The following DHRS7 variants were observed in gnomAD, a reference collection of about 807,000 sequenced individuals.
DHRS7 encodes dehydrogenase/reductase 7.
DHRS7 carries 34 observed loss-of-function variants against 38.9 expected under a neutral mutation model. The ratio of observed to expected loss-of-function variants is 0.87; its 90% CI spans 0.66 to 1.16. The LOEUF (loss-of-function observed/expected upper bound fraction) is 1.16. DHRS7 is among the 50% of genes most tolerant of loss of function. The pLI is 0.00. For synonymous variants in DHRS7, 158 were observed against 153.1 expected, an observed-to-expected ratio of 1.03 and a Z score of -0.24; for missense variants, 421 against 407.0, an observed-to-expected ratio of 1.03 and a Z score of -0.30.
chr14:60,159,113 G>A (rs1896713070), intron 1 of DHRS7: 1 of 434,544 alleles, frequency 2.3e-6, no homozygotes, highest in Non-Finnish European at 4.6e-6. Flanking sequence ...AGTTGATGCT[G>A]AAAATCATTT....
chr14:60,159,030 A>G, intron 1 of DHRS7: 1 of 450,070 alleles, frequency 2.2e-6, no homozygotes, highest in Non-Finnish European at 4.4e-6. Flanking sequence ...CAGCACCTCA[A>G]ACATTCATCA....
At position 60,148,268 on chromosome 14, in the gene DHRS7, T is replaced by C. The variant is rs1344436867; in HGVS notation, c.972+1085A>G. On this transcript the variant is annotated intron_variant, in intron 6 of 6. Transcript: ENST00000557185. The surrounding 1 kb of genome is among the most constrained non-coding windows in gnomAD (Gnocchi z 4.8). ...TGCAGGTATATATAGTATGATCTTG[T>C]TTTATAATTCTTTTTTTATCTGTCA... The C allele has an allele frequency of 6.6e-6, 1 of 152,230 alleles. No individual in the cohort carries two copies. Among genetic ancestry groups the C allele is most frequent in the Non-Finnish European group, 1.5e-5 (1 of 68,038 alleles). 9.4% of individuals were successfully genotyped at this position (152,230 alleles called of 1,614,324 possible). A position where few individuals can be genotyped will look rare whatever the true frequency, so the allele number is the denominator to read the frequency against.
chr14:60,160,532 A>G (rs1020364465), intron 1 of DHRS7, among the ~76,000 whole-genome samples: 4 of 150,612 alleles, frequency 2.7e-5, no homozygotes, highest in South Asian at 4.2e-4. Context: ...CACAGAGTAG[A>G]TCTTTTGGGA....
At chr14:60,152,449 T>A (rs1335401093) in intron 4 of DHRS7, among the ~76,000 whole-genome samples, 2 of 152,266 alleles carry the variant, frequency 1.3e-5, no homozygotes, top group Admixed American at 6.5e-5. Context: ...GAAGTACCTA[T>A]TTCTGACATG....
At position 60,153,255 on chromosome 14, in the gene DHRS7, G is replaced by C. The variant is rs1320185582; in HGVS notation, c.394-77C>G. The C allele has an allele frequency of 1.3e-6, 2 of 1,517,536 alleles. No homozygotes were observed. Among genetic ancestry groups the C allele is most frequent in the African/African-American group, 2.8e-5 (2 of 72,252 alleles). 94.0% of individuals were successfully genotyped at this position (1,517,536 alleles called of 1,614,324 possible). A position where few individuals can be genotyped will look rare whatever the true frequency, so the allele number is the denominator to read the frequency against. On this transcript the variant is annotated intron_variant, in intron 3 of 6. Transcript: ENST00000557185. The surrounding 1 kb of genome is among the most constrained non-coding windows in gnomAD (Gnocchi z 4.4). ...ATTGATGGAATTCCTATGGATGGTT[G>C]GTTATTTTGTTAACTTAAAGAATCA...
chr14:60,156,091 C>T lies in DHRS7; in HGVS notation c.195G>A (p.Glu65=), dbSNP rs368797112. The part of the protein sequence containing the change: ...VTGASSGIGE[E]LAYQLSKLGV... ...CTAGTTTAGACAACTGGTAAGCCAG[C>T]TCCTCACCAATTCCACTCGAGGCTC... Residue 65 remains glutamate (E), a synonymous_variant, in exon 2 of 7, where the codon GAG becomes GAA. Transcript: ENST00000557185. The T allele has an allele frequency of 6.2e-6, 10 of 1,603,454 alleles. No homozygotes were observed. The highest frequency in any genetic ancestry group is 1.3e-5 in the African/African-American group (1 of 74,188).
Position 60,149,440 on chromosome 14 carries a change from T to C in DHRS7, c.885A>G (p.Thr295=), listed in dbSNP as rs1896486448. The C allele has an allele frequency of 5.0e-6, 8 of 1,614,084 alleles. No individual in the cohort carries two copies. Among genetic ancestry groups the C allele is most frequent in the South Asian group, 1.1e-5 (1 of 91,096 alleles). ...WISEQPFLLV[T]YLWQYMPTWA... ...AGGTTGGCATGTATTGCCACAAATA[T>C]GTTACTAACAAGAAAGGTTGTTCTG... is the stretch of plus-strand genomic sequence containing the variant. The change falls in exon 6 of 7, where the codon ACA becomes ACG. Residue 295 remains threonine, a synonymous_variant. Transcript: ENST00000557185.
Position 60,145,836 on chromosome 14 carries a change from AATG to A in DHRS7, c.973-826_973-824del, listed in dbSNP as rs1286923799. 1 of 152,080 alleles carries A rather than the reference AATG, an allele frequency of 6.6e-6. No individual in the cohort carries two copies. The highest frequency in any genetic ancestry group is 2.4e-5 in the African/African-American group (1 of 41,442). The allele number at this position is 152,080 out of a possible 1,614,324, so 9.4% of individuals were successfully genotyped here. On this transcript the variant is annotated intron_variant, in intron 6 of 6. Coordinates refer to ENST00000557185, the MANE Select transcript of DHRS7 (RefSeq NM_016029.4). The surrounding 1 kb of genome is among the most constrained non-coding windows in gnomAD (Gnocchi z 4.0). ...GCACTAAGAAAGACAAAATAATAAT[AATG>A]ATAATACAAAATTCAGTGTAGCCAC...
Position 60,153,942 on chromosome 14 carries a change from T to C in DHRS7, c.393+17A>G, listed in dbSNP as rs1896603138. 6.2e-7 allele frequency: 1 copy of C among 1,601,164 alleles called. No individual in the cohort carries two copies. Among genetic ancestry groups the C allele is most frequent in the Admixed American group, 1.7e-5 (1 of 59,980 alleles). On this transcript the variant is annotated intron_variant, in intron 3 of 6. Coordinates refer to ENST00000557185, the MANE Select transcript of DHRS7 (RefSeq NM_016029.4). The surrounding 1 kb of genome is among the most constrained non-coding windows in gnomAD (Gnocchi z 4.4). ...TTACTTCAAAGCAAGACTATATCAATATAAGATGCTACTTACTCTACCAAA... is the reference window on the plus strand; with the variant it reads ...TTACTTCAAAGCAAGACTATATCAACATAAGATGCTACTTACTCTACCAAA...
chr14:60,154,033 C>G lies in DHRS7; in HGVS notation c.319G>C (p.Val107Leu). The G allele has an allele frequency of 6.2e-7, 1 of 1,613,940 alleles. No individual in the cohort carries two copies. Among genetic ancestry groups the G allele is most frequent in the African/African-American group, 1.3e-5 (1 of 75,040 alleles). Residue 107 changes from valine to leucine, a missense_variant, in exon 3 of 7, where the codon GTT becomes CTT. Physicochemically the swap from Val to Leu is conservative, Grantham distance 32. Coordinates refer to ENST00000557185, the MANE Select transcript of DHRS7 (RefSeq NM_016029.4). ...GTGTCGGTCAGGTCAAGGGGCAAAA[C>G]AAGTATATCTTTTTCTTTTAAATTG... ...NGNLKEKDIL[V>L]LPLDLTDTGS...
intron 6 of DHRS7, chr14:60,147,598 A>G (rs1403645357): frequency 3.3e-5 from 5 of 152,214 alleles, no homozygotes; most frequent in Non-Finnish European, 7.3e-5. Context: ...AAAGCACAAT[A>G]GCTAACACTT....
chr14:60,168,955 G>A (rs558528481), upstream of DHRS7: 1 of 514,724 alleles, frequency 1.9e-6, no homozygotes, highest in Non-Finnish European at 3.3e-6. Context: ...AATTTTGGAA[G>A]ATGTGACAGA....
Position 60,156,131 on chromosome 14 carries a change from A to G in DHRS7, c.155T>C (p.Val52Ala), listed in dbSNP as rs1443598931. ...RRPEWELTDM[V>A]VWVTGASSGI... Reference sequence around the variant, plus strand: ...ACTCGAGGCTCCAGTCACCCACACCACCATATCAGTCAGCTCCCATTCTAT... The same window carrying G: ...ACTCGAGGCTCCAGTCACCCACACCGCCATATCAGTCAGCTCCCATTCTAT... The change falls in exon 2 of 7, where the codon GTG becomes GCG. Residue 52 changes from valine (V) to alanine (A), a missense_variant. Physicochemically the swap from Val to Ala is moderately conservative, Grantham distance 64. Coordinates refer to ENST00000557185, the MANE Select transcript of DHRS7 (RefSeq NM_016029.4). 3.1e-6 allele frequency: 5 copies of G among 1,595,748 alleles called. No individual in the cohort carries two copies. The African/African-American group carries it at 6.8e-5, about 22-fold the overall frequency.
At chr14:60,166,622 A>G (rs1358412857), upstream of DHRS7, among the ~76,000 whole-genome samples, 1 of 144,900 alleles carries the variant, frequency 6.9e-6, no homozygotes, top group Non-Finnish European at 1.5e-5. Flanking sequence ...TTTAAATCCT[A>G]TTATAAACCC....
chr14:60,150,301 T>C, intron 4 of DHRS7, 114 bp from the exon 5 acceptor site: 1 of 1,002,018 alleles, frequency 1.0e-6, no homozygotes, highest in Non-Finnish European at 1.4e-6. Context: ...AGTGTAATCA[T>C]GCAAGCTTAT....
Position 60,156,148 on chromosome 14 carries a change from C to G in DHRS7, c.138G>C (p.Trp46Cys). ...CCCACACCACCATATCAGTCAGCTC[C>G]CATTCTATGGAAGGAATGTAAATGG... ...WAEWQGRRPE[W>C]ELTDMVVWVT... The change falls in exon 2 of 7, where the codon TGG (tryptophan) becomes TGC (cysteine). Residue 46 changes from tryptophan (W) to cysteine (C), a missense_variant. Transcript: ENST00000557185. The G allele has an allele frequency of 6.4e-7, 1 of 1,570,838 alleles. No individual in the cohort carries two copies. Among genetic ancestry groups the G allele is most frequent in the South Asian group, 1.2e-5 (1 of 84,510 alleles).
intron 6 of DHRS7, chr14:60,149,063 C>T (rs1896473466): frequency 2.6e-6 from 1 of 378,334 alleles, no homozygotes; most frequent in Non-Finnish European, 4.9e-6. Flanking sequence ...ACCTCCGCCT[C>T]CTCGGTTCAA....
chr14:60,160,801 G>A (rs987154003), intron 1 of DHRS7, among the ~76,000 whole-genome samples: 1 of 151,900 alleles, frequency 6.6e-6, no homozygotes, highest in Non-Finnish European at 1.5e-5. Flanking sequence ...ATGTTGCCTA[G>A]GCTGGTCTCG....
rs1241019649 is a variant in DHRS7, at chr14:60,146,536, T to TA, written c.973-1524dup. 6.6e-6 allele frequency: 1 copy of TA among 152,164 alleles called. No homozygotes were observed. The highest frequency in any genetic ancestry group is 1.5e-5 in the Non-Finnish European group (1 of 68,020). 9.4% of individuals were successfully genotyped at this position (152,164 alleles called of 1,614,324 possible). A position where few individuals can be genotyped will look rare whatever the true frequency, so the allele number is the denominator to read the frequency against. The stretch of plus-strand genomic sequence containing the variant: ...GATCCAGCAATTCCACTTAAGGGTA[T>TA]AAATCTAAAGGAAGTGAAATCAGTA... On this transcript the variant is annotated intron_variant, in intron 6 of 6. Transcript: ENST00000557185. The surrounding 1 kb of genome is among the most constrained non-coding windows in gnomAD (Gnocchi z 4.9).
Sources: gnomAD v4.1 joint callset for allele counts (sites outside exome capture counted in the v4.1 genomes callset) on GRCh38, gnomAD v4.1.1 for gene constraint, Gnocchi (gnomAD v3.1) non-coding constraint, MANE v1.5 for transcripts, NCBI Gene and HGNC (gene_info 2026-07-23, HGNC 2026-07-21) for gene names.